The following ANXA6 variants were observed in gnomAD, a reference collection of about 807,000 sequenced individuals.
ANXA6 encodes 67 kDa calelectrin.
Under a neutral mutation model 95.4 loss-of-function variants are expected in ANXA6, and 71 were observed. The observed-to-expected ratio is 0.74, with a 90% CI of 0.61 to 0.91. ANXA6 has a LOEUF of 0.91. Ranked by LOEUF, ANXA6 falls within the 40% of genes least tolerant of loss-of-function variation. The pLI is 0.00. For synonymous variants in ANXA6, 289 were observed against 315.9 expected, an observed-to-expected ratio of 0.91 and a Z score of 0.90; for missense variants, 830 against 876.4, an observed-to-expected ratio of 0.95 and a Z score of 0.67.
rs532621744 is a variant in ANXA6 at position 151,111,499 on chromosome 5, T to C, written c.1573-855A>G. The stretch of plus-strand genomic sequence containing the variant: ...GTTAAAAGTTAAAAGGCATATGCCA[T>C]TTGATCAAGCAATTATATTGCTAGG... On this transcript the variant is annotated intron_variant, in intron 20 of 25. Transcript: ENST00000354546. 3.9e-5 allele frequency among the ~76,000 whole-genome samples: 6 copies of C among 152,350 alleles called. No homozygotes were observed. The South Asian group carries it at 1.2e-3, about 32-fold the overall frequency.
intron 6 of ANXA6, 34 bp downstream of exon 6, chr5:151,137,197 G>C: frequency 7.0e-6 from 11 of 1,571,046 alleles, no homozygotes; most frequent in Non-Finnish European, 9.6e-6. Flanking sequence ...TTTTGTATCT[G>C]AAGATCCTAA....
At chr5:151,124,393 C>G (rs752734627) in intron 14 of ANXA6, 26 bp from the exon 15 acceptor site, 3 of 1,592,794 alleles carry the variant, frequency 1.9e-6, no homozygotes, top group Non-Finnish European at 2.6e-6. Flanking sequence ...AGAGACTCAG[C>G]AGGTGTCTGA....
At chr5:151,146,013 T>C (rs1258291380) in intron 2 of ANXA6, among the ~76,000 whole-genome samples, 1 of 152,096 alleles carries the variant, frequency 6.6e-6, no homozygotes, top group Non-Finnish European at 1.5e-5. Context: ...CAGAACACTG[T>C]GCATGGAGGG....
At chr5:151,105,423 C>T in intron 23 of ANXA6, 120 bp from the exon 24 acceptor site, 4 of 844,410 alleles carry the variant, frequency 4.7e-6, no homozygotes, top group Non-Finnish European at 6.0e-6. Context: ...AGATCATTGT[C>T]AACCCCAGGG....
intron 1 of ANXA6, chr5:151,151,263 C>T (rs1197203626): frequency 6.6e-6 from 1 of 152,280 alleles, no homozygotes; most frequent in Non-Finnish European, 1.5e-5. Context: ...AAGATGGCTT[C>T]TGATCCCTCC....
In ANXA6 at chr5:151,124,370, G is replaced by T. The variant is rs1480086467; in HGVS notation, c.1057-3C>A. Reference sequence around the variant, plus strand: ...GCTGGGCGCACAGTTCCCTTCAGCTGTGAGAAGCAGAAAGAGACTCAGCAG... The same window carrying T: ...GCTGGGCGCACAGTTCCCTTCAGCTTTGAGAAGCAGAAAGAGACTCAGCAG... On this transcript the variant is annotated splice_region_variant and splice_polypyrimidine_tract_variant and intron_variant, in intron 14 of 25. Coordinates refer to ENST00000354546, the MANE Select transcript of ANXA6 (RefSeq NM_001155.5). The T allele has an allele frequency of 3.1e-6, 5 of 1,608,634 alleles. No individual in the cohort carries two copies. The highest frequency in any genetic ancestry group is 4.2e-6 in the Non-Finnish European group (5 of 1,177,524).
intron 8 of ANXA6, among the ~76,000 whole-genome samples, chr5:151,134,028 C>T (rs897869569): frequency 1.3e-5 from 2 of 152,220 alleles, no homozygotes; most frequent in African/African-American, 4.8e-5. Context: ...AAAACACCTG[C>T]AATGTACAGT....
intron 14 of ANXA6, among the ~76,000 whole-genome samples, 169 bp downstream of exon 14, chr5:151,126,233 G>A (rs2303028): frequency 0.22 from 34,015 of 151,922 alleles, 4,154 homozygotes; most frequent in East Asian, 0.38. Flanking sequence ...AACCAGGTGC[G>A]CCCCTCCACC....
chr5:151,104,464 T>C (rs2113890016), intron 24 of ANXA6, among the ~76,000 whole-genome samples: 1 of 152,260 alleles, frequency 6.6e-6, no homozygotes, highest in South Asian at 2.1e-4. Flanking sequence ...TGGGCAACGT[T>C]TTACCCTACC....
At chr5:151,109,662 A>G (rs1764792486) in intron 22 of ANXA6, 91 bp downstream of exon 22, 2 of 1,043,832 alleles carry the variant, frequency 1.9e-6, no homozygotes, top group South Asian at 1.4e-5. Flanking sequence ...TGGGTGGGCA[A>G]CGGGCTCCTC....
intron 10 of ANXA6, 127 bp downstream of exon 10, chr5:151,132,349 G>A (rs2303033): frequency 0.11 from 84,605 of 742,062 alleles, 5,416 homozygotes; most frequent in South Asian, 0.14. Context: ...TAGAATTCAC[G>A]GCCCACATGG....
chr5:151,149,585 C>G (rs1458344182), intron 1 of ANXA6, among the ~76,000 whole-genome samples: 1 of 152,124 alleles, frequency 6.6e-6, no homozygotes, highest in African/African-American at 2.4e-5. Context: ...CTCCCGGGTT[C>G]AAGCGATTCT....
At chr5:151,117,548 G>A (rs955413029) in intron 19 of ANXA6, among the ~76,000 whole-genome samples, 3 of 152,182 alleles carry the variant, frequency 2.0e-5, no homozygotes, top group Non-Finnish European at 4.4e-5. Context: ...GGCCACCAGG[G>A]AGGACTGTCT....
chr5:151,133,370 T>C (rs1243611026), intron 8 of ANXA6, 183 bp from the exon 9 acceptor site: 4 of 566,542 alleles, frequency 7.1e-6, no homozygotes, highest in Non-Finnish European at 3.2e-6. Context: ...AGAACTGCCA[T>C]TGTTAGGCGA....
chr5:151,132,508 G>C lies in ANXA6; in HGVS notation c.704C>G (p.Ser235Cys). Reference protein sequence around the residue: ...PIEASIRGELSGDFEKLMLAV... With the variant: ...PIEASIRGELCGDFEKLMLAV... ...CAGCATTAGCTTCTCAAAGTCCCCA[G>C]ACAGCTCCCCTCGGATGCTGGCTTC... Residue 235 changes from serine (S) to cysteine (C), a missense_variant, in exon 10 of 26, where the codon TCT (serine) becomes TGT (cysteine). Ser to Cys is a moderately radical substitution (Grantham distance 112). Transcript: ENST00000354546. 6.2e-7 allele frequency: 1 copy of C among 1,613,410 alleles called. No individual in the cohort carries two copies. Among genetic ancestry groups the C allele is most frequent in the Non-Finnish European group, 8.5e-7 (1 of 1,179,700 alleles).
At chr5:151,101,604 T>C in intron 25 of ANXA6, 97 bp from the exon 26 acceptor site, 5 of 1,077,338 alleles carry the variant, frequency 4.6e-6, no homozygotes, top group Non-Finnish European at 5.6e-6. Context: ...CTCCCTCGGC[T>C]TCTCTCCATG....
rs752533809 is a variant in ANXA6 at position 151,103,687 on chromosome 5, A to G, written c.1845T>C (p.Ala615=). Residue 615 remains alanine, a synonymous_variant, in exon 25 of 26, where the codon GCT becomes GCC. Coordinates refer to ENST00000354546, the MANE Select transcript of ANXA6 (RefSeq NM_001155.5). ...ADKLYKSMKG[A]GTDEKTLTRI... ...TGGTCAGAGTCTTCTCATCTGTGCCAGCACCCTGGTGGAGCCAGGCAGGAG... is the reference window on the plus strand; with the variant it reads ...TGGTCAGAGTCTTCTCATCTGTGCCGGCACCCTGGTGGAGCCAGGCAGGAG... 1.9e-6 allele frequency: 3 copies of G among 1,609,358 alleles called. No individual in the cohort carries two copies. In the Admixed American group the frequency reaches 5.1e-5, roughly 27 times the overall value.
rs528353676 is a variant in ANXA6, at chr5:151,123,218, G to A, written c.1139-207C>T. Among the ~76,000 whole-genome samples the A allele has an allele frequency of 2.6e-5, 4 of 152,154 alleles. No individual in the cohort carries two copies. The East Asian group carries it at 5.8e-4, about 22-fold the overall frequency. On this transcript the variant is annotated intron_variant, in intron 15 of 25. Transcript: ENST00000354546. ...TCCTCCCTCCCTTTCCTTTTGACAC[G>A]CTGAGGAAAAAGGACAGCTGGGAGG...
rs112224011 is a variant in ANXA6, at chr5:151,116,366, C to G, written c.1572+761G>C. 1.3e-5 allele frequency among the ~76,000 whole-genome samples: 2 copies of G among 152,184 alleles called. 1 individual carries two copies. The highest frequency in any genetic ancestry group is 4.1e-4 in the South Asian group (2 of 4,836). ...GATGGAGACATGGACCTGGGTCAGG[C>G]TACTGGGTGCTGGGATCAAGGTGCA... On this transcript the variant is annotated intron_variant, in intron 20 of 25. Coordinates refer to ENST00000354546, the MANE Select transcript of ANXA6 (RefSeq NM_001155.5).
Sources: allele counts gnomAD v4.1 joint callset (sites outside exome capture counted in the v4.1 genomes callset), GRCh38; gene constraint gnomAD v4.1.1; transcripts MANE v1.5; gene names NCBI Gene and HGNC (gene_info 2026-07-23, HGNC 2026-07-21).